HOATZ: variants seen among roughly 807,000 people sequenced by gnomAD.
HOATZ encodes the protein cilia- and flagella-associated protein HOATZ.
Under a neutral mutation model 24.9 loss-of-function variants are expected in HOATZ, and 26 were observed. The observed-to-expected ratio is 1.04, with a 90% confidence interval of 0.76 to 1.45. The LOEUF (loss-of-function observed/expected upper bound fraction) is 1.45, where lower values mean the gene tolerates loss of function less well. Among genes scored for constraint, HOATZ ranks in the 40% most tolerant of loss-of-function variants. HOATZ has a pLI of 0.00. For synonymous variants in HOATZ, 83 were observed against 76.6 expected (o/e 1.08, Z -0.43); for missense variants, 226 against 201.5 (o/e 1.12, Z -0.74).
At position 111,536,942 on chromosome 11, in the gene HOATZ, A is replaced by T; in HGVS notation, c.*115A>T. 1 of 785,468 alleles carries T rather than the reference A, an allele frequency of 1.3e-6. No individual in the cohort carries two copies. The highest frequency in any genetic ancestry group is 2.1e-6 in the Non-Finnish European group (1 of 465,146). The allele number at this position is 785,468 out of a possible 1,614,324, so 48.7% of individuals were successfully genotyped here. A position where few individuals can be genotyped will look rare whatever the true frequency, so the allele number is the denominator to read the frequency against. On this transcript the variant is annotated 3_prime_UTR_variant, in exon 6 of 6. Coordinates refer to ENST00000375618, the MANE Select transcript of HOATZ (RefSeq NM_001100388.2). Reference sequence around the variant, plus strand: ...AACATTATAGTAGACAAAGAAATACAAGTTAAATACGCAGACTTCCAGGAA... The same window carrying T: ...AACATTATAGTAGACAAAGAAATACTAGTTAAATACGCAGACTTCCAGGAA...
chr11:111,525,713 G>A (rs986696918), intron 3 of HOATZ, among the ~76,000 whole-genome samples: 7 of 152,194 alleles, frequency 4.6e-5, no homozygotes. Context: ...GAAGAATTGT[G>A]CAAGATTCAT....
At chr11:111,529,507 G>T (rs1867373406) in intron 3 of HOATZ, among the ~76,000 whole-genome samples, 1 of 152,014 alleles carries the variant, frequency 6.6e-6, no homozygotes, top group Non-Finnish European at 1.5e-5. Context: ...GGGACTGCAG[G>T]CGTGCACCAC....
chr11:111,527,167 T>C (rs1867348560), intron 3 of HOATZ, among the ~76,000 whole-genome samples: 1 of 152,228 alleles, frequency 6.6e-6, no homozygotes, highest in South Asian at 2.1e-4. Context: ...TGTGTGTGCA[T>C]GCATGTACGT....
At chr11:111,524,751 C>A in intron 3 of HOATZ, 1 of 366,832 alleles carries the variant, frequency 2.7e-6, no homozygotes, top group Non-Finnish European at 5.3e-6. Context: ...ATTATTTTGA[C>A]TTTCTTGGCC....
chr11:111,524,655 A>G (rs1308585993), intron 3 of HOATZ, among the ~76,000 whole-genome samples: 1 of 152,236 alleles, frequency 6.6e-6, no homozygotes, highest in African/African-American at 2.4e-5. Context: ...ACATTGCTAA[A>G]TGCTTGTGTC....
At chr11:111,534,716 C>T (rs1867432178) in intron 5 of HOATZ, 1 of 458,300 alleles carries the variant, frequency 2.2e-6, no homozygotes, top group African/African-American at 2.0e-5. Flanking sequence ...AAGCTCTGTG[C>T]ACATTCTCTG....
rs1428869023 is a variant in HOATZ at position 111,534,471 on chromosome 11, T to C, written c.452+7T>C. 24 of 1,600,368 alleles carry C rather than the reference T, an allele frequency of 1.5e-5. No individual in the cohort carries two copies. The highest frequency in any genetic ancestry group is 2.0e-5 in the Non-Finnish European group (23 of 1,167,564). On this transcript the variant is annotated splice_region_variant and intron_variant, in intron 5 of 5. Coordinates refer to ENST00000375618, the MANE Select transcript of HOATZ (RefSeq NM_001100388.2). ...CCAAAGAACACAAAGCAAAGTAAGTTTACCTATGTCAAAAATATTCTCTCA... is the reference window on the plus strand; with the variant it reads ...CCAAAGAACACAAAGCAAAGTAAGTCTACCTATGTCAAAAATATTCTCTCA...
chr11:111,516,437 A>G (rs1486276893), intron 3 of HOATZ, among the ~76,000 whole-genome samples: 1 of 152,132 alleles, frequency 6.6e-6, no homozygotes, highest in Non-Finnish European at 1.5e-5. Context: ...GGCCAGGTGC[A>G]GTAGTACACA....
chr11:111,517,707 T>A (rs1479674159), intron 3 of HOATZ, among the ~76,000 whole-genome samples: 1 of 152,174 alleles, frequency 6.6e-6, no homozygotes, highest in African/African-American at 2.4e-5. Context: ...CATAATACTA[T>A]GAGAACACAT....
intron 3 of HOATZ, among the ~76,000 whole-genome samples, chr11:111,524,140 A>C (rs908797037): frequency 6.6e-6 from 1 of 152,234 alleles, no homozygotes; most frequent in Non-Finnish European, 1.5e-5. Context: ...TCCTTGAGCT[A>C]GATGTCATAT....
intron 1 of HOATZ, 128 bp from the exon 2 acceptor site, chr11:111,515,383 C>A: frequency 1.4e-6 from 1 of 717,618 alleles, no homozygotes; most frequent in Non-Finnish European, 2.5e-6. Context: ...CTTCCTGGAC[C>A]TGTGAGCCCT....
chr11:111,527,414 G>A (rs1284922272), intron 3 of HOATZ, among the ~76,000 whole-genome samples: 1 of 152,120 alleles, frequency 6.6e-6, no homozygotes, highest in Non-Finnish European at 1.5e-5. Flanking sequence ...CCTAGGAGTT[G>A]AGCCAAGATC....
chr11:111,514,863 G>C lies in HOATZ; in HGVS notation c.79G>C (p.Ala27Pro). ...GTGCCCCCCGGGATTACTGGTATTT[G>C]CTGGCTCCTCGGAACAAGATGCCAA... ...EMCPPGLLVF[A>P]GSSEQDANLA... The change falls in exon 1 of 6, where the codon GCT becomes CCT. Residue 27 changes from alanine to proline, a missense_variant. Ala to Pro is a conservative substitution (Grantham distance 27). Transcript: ENST00000375618. The C allele has an allele frequency of 6.2e-7, 1 of 1,614,156 alleles. No individual in the cohort carries two copies. The highest frequency in any genetic ancestry group is 8.5e-7 in the Non-Finnish European group (1 of 1,180,016).
chr11:111,534,640 C>T (rs1423427247), intron 5 of HOATZ, 176 bp downstream of exon 5: 15 of 608,148 alleles, frequency 2.5e-5, no homozygotes, highest in Admixed American at 8.9e-5. Context: ...AGCCTGTGTA[C>T]GAACTTGTCT....
rs1191261334 is a variant in HOATZ, at chr11:111,516,021, T to C, written c.269-19T>C. 2.1e-6 allele frequency: 3 copies of C among 1,461,292 alleles called. No individual in the cohort carries two copies. Among genetic ancestry groups the C allele is most frequent in the Non-Finnish European group, 2.8e-6 (3 of 1,064,014 alleles). 90.5% of individuals were successfully genotyped at this position (1,461,292 alleles called of 1,614,324 possible). On this transcript the variant is annotated intron_variant, in intron 2 of 5. Transcript: ENST00000375618. ...ATAATAAAATTATTTCAGATTGAATTTGACTTTATTCCCTCTAGAAAATAG... is the reference window on the plus strand; with the variant it reads ...ATAATAAAATTATTTCAGATTGAATCTGACTTTATTCCCTCTAGAAAATAG...
Position 111,533,747 on chromosome 11 carries a change from C to G in HOATZ, c.341C>G (p.Ala114Gly). The G allele has an allele frequency of 6.3e-7, 1 of 1,585,424 alleles. No homozygotes were observed. Among genetic ancestry groups the G allele is most frequent in the Admixed American group, 1.8e-5 (1 of 55,462 alleles). ...CCACTTTTTTCTTTCTTTAAACAGGCTAAAACAAGAGAAGAGATTCTCCAA... is the reference window on the plus strand; with the variant it reads ...CCACTTTTTTCTTTCTTTAAACAGGGTAAAACAAGAGAAGAGATTCTCCAA... The part of the protein sequence containing the change: ...SEEKVKYLQK[A>G]KTREEILQLL... The change falls in exon 4 of 6, where the codon GCT becomes GGT. Residue 114 changes from alanine to glycine, a missense_variant and splice_region_variant. Ala to Gly is a moderately conservative substitution (Grantham distance 60). Coordinates refer to ENST00000375618, the MANE Select transcript of HOATZ (RefSeq NM_001100388.2).
intron 2 of HOATZ, 31 bp downstream of exon 2, chr11:111,515,583 T>A (rs1867183054): frequency 1.3e-6 from 2 of 1,572,764 alleles, no homozygotes; most frequent in African/African-American, 2.7e-5. Flanking sequence ...CTTTCAACAT[T>A]CTGACTCCTA....
intron 2 of HOATZ, 124 bp downstream of exon 2, chr11:111,515,676 T>C (rs1437091178): frequency 1.3e-6 from 1 of 797,168 alleles, no homozygotes; most frequent in Non-Finnish European, 2.1e-6. Context: ...CCTAAGTCCC[T>C]GCTCAGGGAC....
intron 3 of HOATZ, among the ~76,000 whole-genome samples, chr11:111,517,094 T>A (rs1477461312): frequency 6.6e-6 from 1 of 152,250 alleles, no homozygotes; most frequent in African/African-American, 2.4e-5. Flanking sequence ...TATCGGGAAT[T>A]CTACATAAAT....
Sources: allele counts gnomAD v4.1 joint callset (sites outside exome capture counted in the v4.1 genomes callset), GRCh38; gene constraint gnomAD v4.1.1; transcripts MANE v1.5; gene names NCBI Gene and HGNC (gene_info 2026-07-23, HGNC 2026-07-21).